The following PTPRN2 variants were observed in gnomAD, a reference collection of about 807,000 sequenced individuals.
PTPRN2 encodes the protein receptor-type tyrosine-protein phosphatase N2.
A neutral mutation model predicts 118.8 loss-of-function variants in PTPRN2; 74 were observed. The observed-to-expected ratio is 0.62, with a 90% CI of 0.52 to 0.76. PTPRN2 has a LOEUF of 0.76. PTPRN2 is among the 30% of genes least tolerant of loss of function. PTPRN2 has a pLI of 0.00. For synonymous variants in PTPRN2, 641 were observed against 608.0 expected (o/e 1.05, Z -0.80); for missense variants, 1,481 against 1,394.4 (o/e 1.06, Z -0.99).
Position 158,168,027 on chromosome 7 carries a change from T to G in PTPRN2, c.550-736A>C. Among the ~76,000 whole-genome samples, 2 of 152,234 alleles carry G rather than the reference T, an allele frequency of 1.3e-5. 1 individual carries two copies. Among genetic ancestry groups the G allele is most frequent in the Admixed American group, 1.3e-4 (2 of 15,288 alleles). On this transcript the variant is annotated intron_variant, in intron 5 of 22. Coordinates refer to ENST00000389418, the MANE Select transcript of PTPRN2 (RefSeq NM_002847.5). ...TTCTCTTGGGTTTATTCGAGGATAT[T>G]ACATGGTAACTCGACATTTAACTGA... is the stretch of plus-strand genomic sequence containing the variant.
At chr7:158,444,282 C>T (rs943406317) in intron 2 of PTPRN2, among the ~76,000 whole-genome samples, 1 of 152,282 alleles carries the variant, frequency 6.6e-6, no homozygotes, top group Non-Finnish European at 1.5e-5. Context: ...CCATCACAGA[C>T]TGTGCTCGGG....
intron 15 of PTPRN2, among the ~76,000 whole-genome samples, chr7:157,620,860 TC>T (rs1358283177): frequency 6.6e-6 from 1 of 151,876 alleles, no homozygotes; most frequent in African/African-American, 2.4e-5. Context: ...TGGGGCTGTT[TC>T]CCCCGCCTGT....
At chr7:158,261,092 C>T (rs897169248) in intron 3 of PTPRN2, among the ~76,000 whole-genome samples, 8 of 152,110 alleles carry the variant, frequency 5.3e-5, no homozygotes, top group Non-Finnish European at 1.2e-4. Flanking sequence ...CGTGAGGCTC[C>T]GACTGGCTGA....
At chr7:157,756,138 C>T (rs983964327) in intron 12 of PTPRN2, among the ~76,000 whole-genome samples, 2 of 152,138 alleles carry the variant, frequency 1.3e-5, no homozygotes, top group African/African-American at 4.8e-5. Flanking sequence ...GACTTCTTTA[C>T]AATCAAAGAA....
At chr7:158,347,274 G>A (rs4909191) in intron 2 of PTPRN2, among the ~76,000 whole-genome samples, 136,820 of 152,268 alleles carry the variant, frequency 0.9, 61,828 homozygotes, top group Non-Finnish European at 0.95. Context: ...GTTTTTGTAT[G>A]TGGTGAGAGA....
At chr7:158,341,266 A>G (rs1806706032) in intron 2 of PTPRN2, among the ~76,000 whole-genome samples, 1 of 150,342 alleles carries the variant, frequency 6.7e-6, no homozygotes, top group Non-Finnish European at 1.5e-5. Flanking sequence ...GACGTCATTC[A>G]CACCCACACT....
chr7:158,167,306 A>C lies in PTPRN2; in HGVS notation c.550-15T>G, dbSNP rs771861659. On this transcript the variant is annotated splice_polypyrimidine_tract_variant and intron_variant, in intron 5 of 22. Transcript: ENST00000389418. ...CGGTCATCACCCTGAAGGAAAGGAG[A>C]GCAAAACAGAGCAAGAGTCACATTT... 6.4e-7 allele frequency: 1 copy of C among 1,562,036 alleles called. No individual in the cohort carries two copies. The highest frequency in any genetic ancestry group is 1.4e-5 in the African/African-American group (1 of 73,808).
intron 12 of PTPRN2, among the ~76,000 whole-genome samples, chr7:157,706,944 C>T (rs1798363486): frequency 6.6e-6 from 1 of 151,988 alleles, no homozygotes; most frequent in Non-Finnish European, 1.5e-5. Context: ...ACCCAGGTGC[C>T]TTCTGGATCA....
chr7:157,846,290 C>A (rs1272132673), intron 12 of PTPRN2, among the ~76,000 whole-genome samples: 1 of 152,106 alleles, frequency 6.6e-6, no homozygotes, highest in Non-Finnish European at 1.5e-5. Context: ...GGTAAAAAAA[C>A]CCATCTGGAA....
At chr7:158,414,618 G>GC (rs1207187597) in intron 2 of PTPRN2, among the ~76,000 whole-genome samples, 1 of 152,172 alleles carries the variant, frequency 6.6e-6, no homozygotes, top group Non-Finnish European at 1.5e-5. Context: ...GCTGGAGGCC[G>GC]CCCCCGCTTC....
chr7:158,166,997 G>T lies in PTPRN2; in HGVS notation c.844C>A (p.Pro282Thr), dbSNP rs1295835480. Reference sequence around the variant, plus strand: ...GAAGGCCACTTCTGGGGGGCGGCTGGTGCCAGCAAAGGCCTGGGCATTCTT... The same window carrying T: ...GAAGGCCACTTCTGGGGGGCGGCTGTTGCCAGCAAAGGCCTGGGCATTCTT... Reference protein sequence around the residue: ...PSRMPRPLLAPAAPQKWPSPL... With the variant: ...PSRMPRPLLATAAPQKWPSPL... Residue 282 changes from proline (P) to threonine (T), a missense_variant, in exon 6 of 23, where the codon CCA (proline) becomes ACA (threonine). Pro to Thr is a conservative substitution (Grantham distance 38). This residue lies in a region of PTPRN2 where 1,115 missense variants were observed against 994.2 expected (regional missense o/e 1.12). Coordinates refer to ENST00000389418, the MANE Select transcript of PTPRN2 (RefSeq NM_002847.5). The T allele has an allele frequency of 6.8e-7, 1 of 1,464,594 alleles. No homozygotes were observed. The highest frequency in any genetic ancestry group is 9.1e-7 in the Non-Finnish European group (1 of 1,103,736). 90.7% of individuals were successfully genotyped at this position (1,464,594 alleles called of 1,614,324 possible).
rs950404157 is a variant in PTPRN2 at position 158,563,350 on chromosome 7, C to T, written c.112+24208G>A. On this transcript the variant is annotated intron_variant, in intron 1 of 22. Coordinates refer to ENST00000389418, the MANE Select transcript of PTPRN2 (RefSeq NM_002847.5). This position sits in a 1 kb window ranked among gnomAD's most constrained non-coding sequence, Gnocchi z 5.1. ...GAAGTACCCAAGTGGAACGCAGATA[C>T]GGCACGTCAGTGAGAACAAAAGCAT... Among the ~76,000 whole-genome samples, 6 of 152,322 alleles carry T rather than the reference C, an allele frequency of 3.9e-5. No individual in the cohort carries two copies. Among genetic ancestry groups the T allele is most frequent in the East Asian group, 3.9e-4 (2 of 5,186 alleles).
chr7:158,399,328 A>C (rs1288645106), intron 2 of PTPRN2, among the ~76,000 whole-genome samples: 2 of 152,156 alleles, frequency 1.3e-5, no homozygotes, highest in East Asian at 1.9e-4. Context: ...CTCTATTTCT[A>C]TTCCCACAGA....
At chr7:157,659,523 T>C (rs1795791087) in intron 13 of PTPRN2, among the ~76,000 whole-genome samples, 1 of 149,712 alleles carries the variant, frequency 6.7e-6, no homozygotes, top group African/African-American at 2.5e-5. Flanking sequence ...CAGGGGAAGG[T>C]GGACTTTACC....
intron 9 of PTPRN2, among the ~76,000 whole-genome samples, chr7:158,127,288 T>C (rs546529545): frequency 1.3e-5 from 2 of 150,242 alleles, no homozygotes; most frequent in South Asian, 2.1e-4. Context: ...ACCTGTGCCC[T>C]GCGTCCTCCT....
At chr7:158,445,212 G>C (rs1309203182) in intron 2 of PTPRN2, among the ~76,000 whole-genome samples, 2 of 152,186 alleles carry the variant, frequency 1.3e-5, no homozygotes, top group Non-Finnish European at 2.9e-5. Context: ...CCCGAGGCTG[G>C]CCAGCCCTTC....
chr7:157,725,248 A>ACGCAGAGGAG (rs1799474283), intron 12 of PTPRN2, among the ~76,000 whole-genome samples: 1 of 140,618 alleles, frequency 7.1e-6, no homozygotes, highest in African/African-American at 2.9e-5. Context: ...GGATATCCAC[A>ACGCAGAGGAG]TGCAGAGGAG....
At chr7:157,774,240 A>T (rs1803055540) in intron 12 of PTPRN2, among the ~76,000 whole-genome samples, 1 of 152,220 alleles carries the variant, frequency 6.6e-6, no homozygotes, top group Admixed American at 6.5e-5. Flanking sequence ...TAAAAAAGAA[A>T]TGTTCCAGGA....
At chr7:158,326,777 ACACT>A (rs147444179) in intron 2 of PTPRN2, among the ~76,000 whole-genome samples, 38,208 of 128,114 alleles carry the variant, frequency 0.3, 7,897 homozygotes, top group Middle Eastern at 0.45. Flanking sequence ...ACATGCTCAC[ACACT>A]CACATGCACA....
Sources: allele counts gnomAD v4.1 joint callset (sites outside exome capture counted in the v4.1 genomes callset), GRCh38; gene constraint gnomAD v4.1.1; regional missense constraint gnomAD v4.1.1; non-coding constraint Gnocchi (gnomAD v3.1); transcripts MANE v1.5; gene names NCBI Gene and HGNC (gene_info 2026-07-23, HGNC 2026-07-21).